Variants in SARDH observed in about 807,000 individuals in gnomAD.
The protein encoded by SARDH is sarcosine dehydrogenase, also known as sarcosine dehydrogenase, mitochondrial.
SARDH carries 95 observed loss-of-function variants against 109.1 expected under a neutral mutation model. The observed-to-expected ratio is 0.87, with a 90% CI of 0.74 to 1.03. SARDH has a LOEUF of 1.03. Ranked by LOEUF, SARDH falls within the 50% of genes least tolerant of loss-of-function variation. The pLI is 0.00. For missense variants in SARDH, 1,267 were observed against 1,287.8 expected, an observed-to-expected ratio of 0.98 and a Z score of 0.25; for synonymous variants, 572 against 534.8, an observed-to-expected ratio of 1.07 and a Z score of -0.96.
intron 8 of SARDH, among the ~76,000 whole-genome samples, chr9:133,716,218 G>A (rs529779704): frequency 1.3e-5 from 2 of 152,346 alleles, no homozygotes; most frequent in African/African-American, 4.8e-5. Flanking sequence ...ACCCACCCAC[G>A]GGCTGTGATC....
At position 133,671,565 on chromosome 9, in the gene SARDH, G is replaced by A. The variant is rs369153510; in HGVS notation, c.2296C>T (p.Arg766Cys). ...AKHGLINAGY[R>C]AIDSLSIEKG... ...TCAATGCTCAGGGAGTCGATGGCGC[G>A]GTACCCTGCGTTGATGAGGCCGTGC... Residue 766 changes from arginine (R) to cysteine (C), a missense_variant, in exon 18 of 21, where the codon CGC becomes TGC. Arg to Cys is a radical substitution (Grantham distance 180, BLOSUM62 -3). Transcript: ENST00000439388. 3.1e-5 allele frequency: 50 copies of A among 1,608,632 alleles called. No individual in the cohort carries two copies. Among genetic ancestry groups the A allele is most frequent in the Admixed American group, 1.0e-4 (6 of 59,528 alleles).
Position 133,694,327 on chromosome 9 carries a change from C to A in SARDH, c.1852G>T (p.Glu618Ter). Residue 618 changes from glutamate (E) to a stop codon, truncating the protein, a stop_gained, in exon 15 of 21, where the codon GAG (glutamate) becomes TAG (stop). Coordinates refer to ENST00000439388, the MANE Select transcript of SARDH (RefSeq NM_001134707.2). LOFTEE classifies it high-confidence loss of function. ...TCMLNHRGGT[E>*]SDLTVSRLAP... The stretch of plus-strand genomic sequence containing the variant: ...AGGCGGCTGACAGTCAGGTCACTCT[C>A]GGTGCCCCCACGGTGGTTGAGCATG... 6.4e-7 allele frequency: 1 copy of A among 1,550,732 alleles called. No individual in the cohort carries two copies. Among genetic ancestry groups the A allele is most frequent in the Non-Finnish European group, 8.7e-7 (1 of 1,146,966 alleles).
At chr9:133,703,130 G>T (rs77199983) in intron 12 of SARDH, 101 bp from the exon 13 acceptor site, 1 of 1,038,144 alleles carries the variant, frequency 9.6e-7, no homozygotes, top group Non-Finnish European at 1.4e-6. Context: ...GTCAGGCCTG[G>T]CCCTGCCCTC....
chr9:133,717,900 C>T (rs553726388), intron 7 of SARDH, among the ~76,000 whole-genome samples: 12 of 152,304 alleles, frequency 7.9e-5, no homozygotes, highest in Admixed American at 3.3e-4. Context: ...AGACCTGGCA[C>T]GCTGGTTTGT....
intron 1 of SARDH, among the ~76,000 whole-genome samples, chr9:133,734,412 T>TTCATTCATTCACTCATTCATTCACTCAC (rs1564304222): frequency 2.4e-5 from 3 of 127,324 alleles, no homozygotes; most frequent in Non-Finnish European, 4.7e-5. Context: ...CATTCACTCA[T>TTCATTCATTCACTCATTCATTCACTCAC]TCATTCATTC....
intron 13 of SARDH, among the ~76,000 whole-genome samples, chr9:133,700,181 G>C (rs1037783587): frequency 1.3e-5 from 2 of 152,146 alleles, no homozygotes; most frequent in African/African-American, 4.8e-5. Flanking sequence ...ACAAAAATTA[G>C]TTGGTCATGT....
chr9:133,685,146 C>T (rs1313094967), intron 17 of SARDH, 47 bp downstream of exon 17: 1 of 1,561,060 alleles, frequency 6.4e-7, no homozygotes, highest in Non-Finnish European at 8.8e-7. Context: ...ACCCCTCACA[C>T]CATGCTGCCA....
At chr9:133,701,315 T>C (rs1305601988) in intron 13 of SARDH, among the ~76,000 whole-genome samples, 1 of 152,256 alleles carries the variant, frequency 6.6e-6, no homozygotes, top group Non-Finnish European at 1.5e-5. Context: ...AGGGACCATC[T>C]GCCTCCTGAG....
intron 16 of SARDH, among the ~76,000 whole-genome samples, chr9:133,688,398 A>G (rs1270342025): frequency 7.3e-6 from 1 of 137,314 alleles, no homozygotes; most frequent in Non-Finnish European, 1.5e-5. Context: ...CGCCCAGTCC[A>G]TGGGAACCAC....
At chr9:133,720,204 A>G (rs1304343113) in intron 6 of SARDH, among the ~76,000 whole-genome samples, 1 of 152,156 alleles carries the variant, frequency 6.6e-6, no homozygotes, top group Non-Finnish European at 1.5e-5. Flanking sequence ...ACATGGGTGA[A>G]TCACCTGAGG....
chr9:133,723,690 GA>G, intron 6 of SARDH, among the ~76,000 whole-genome samples: 1 of 152,284 alleles, frequency 6.6e-6, no homozygotes. Flanking sequence ...ATGAACCCAG[GA>G]GGCAGAGCTT....
rs1323836091 is a variant in SARDH at position 133,700,752 on chromosome 9, CAT to C, written c.1668+2162_1668+2163del. On this transcript the variant is annotated intron_variant, in intron 13 of 20. Coordinates refer to ENST00000439388, the MANE Select transcript of SARDH (RefSeq NM_001134707.2). ...ACACGCACGCGCACACACACACACA[CAT>C]AAACAACATCACTCCCTATTTCCTT... Among the ~76,000 whole-genome samples the C allele has an allele frequency of 3.9e-4, 60 of 152,068 alleles. 1 individual carries two copies. Among genetic ancestry groups the C allele is most frequent in the Non-Finnish European group, 1.5e-4 (10 of 67,978 alleles).
rs368269599 is a variant in SARDH at position 133,674,795 on chromosome 9, G to A, written c.2164-3098C>T. Among the ~76,000 whole-genome samples, 46 of 152,330 alleles carry A rather than the reference G, an allele frequency of 3.0e-4. No individual in the cohort carries two copies. The South Asian group carries it at 6.8e-3, about 23-fold the overall frequency. ...TGTAGCTGTACAACCTCTGGAAGAAGGCATGGGGAGTTGGAAATGGCAAGG... is the reference window on the plus strand; with the variant it reads ...TGTAGCTGTACAACCTCTGGAAGAAAGCATGGGGAGTTGGAAATGGCAAGG... On this transcript the variant is annotated intron_variant, in intron 17 of 20. Coordinates refer to ENST00000439388, the MANE Select transcript of SARDH (RefSeq NM_001134707.2).
intron 1 of SARDH, among the ~76,000 whole-genome samples, chr9:133,735,861 T>C (rs1437175225): frequency 6.9e-6 from 1 of 145,874 alleles, no homozygotes; most frequent in Non-Finnish European, 1.5e-5. Context: ...CTGACCAACA[T>C]GGAGAAACCC....
At chr9:133,676,544 C>A (rs887345235) in intron 17 of SARDH, among the ~76,000 whole-genome samples, 16 of 152,276 alleles carry the variant, frequency 1.1e-4, no homozygotes, top group African/African-American at 3.4e-4. Flanking sequence ...ACTAAGTGAC[C>A]GGCACTTTCT....
chr9:133,663,376 G>C (rs1268744720), downstream of SARDH, among the ~76,000 whole-genome samples: 1 of 152,248 alleles, frequency 6.6e-6, no homozygotes, highest in Non-Finnish European at 1.5e-5. Context: ...AGAGCCGAGA[G>C]GCACCATCCT....
chr9:133,721,672 C>G (rs915139006), intron 6 of SARDH, among the ~76,000 whole-genome samples: 1 of 152,074 alleles, frequency 6.6e-6, no homozygotes, highest in African/African-American at 2.4e-5. Flanking sequence ...GATGTGTGTG[C>G]GTATTCAGAA....
chr9:133,725,495 A>G, intron 6 of SARDH: 1 of 431,338 alleles, frequency 2.3e-6, no homozygotes, highest in South Asian at 1.7e-5. Flanking sequence ...CAACATGGTG[A>G]AACTCCGTCT....
intron 11 of SARDH, 121 bp downstream of exon 11, chr9:133,708,166 A>T (rs567803349): frequency 8.4e-7 from 1 of 1,186,566 alleles, no homozygotes; most frequent in Non-Finnish European, 1.2e-6. Flanking sequence ...GGAATGACAG[A>T]CACCTTGTCA....
Sources: allele counts gnomAD v4.1 joint callset (sites outside exome capture counted in the v4.1 genomes callset), GRCh38; gene constraint gnomAD v4.1.1; transcripts MANE v1.5; gene names NCBI Gene and HGNC (gene_info 2026-07-23, HGNC 2026-07-21).